The following SLIT2 variants were observed in gnomAD, a reference collection of about 807,000 sequenced individuals.
SLIT2 encodes slit guidance ligand 2.
A neutral mutation model predicts 185.7 loss-of-function variants in SLIT2; 41 were observed. The observed-to-expected ratio is 0.22, with a 90% CI of 0.17 to 0.29. SLIT2 has a LOEUF of 0.29. Ranked by LOEUF, SLIT2 falls within the 10% of genes least tolerant of loss-of-function variation. The pLI, the probability that SLIT2 is intolerant of heterozygous loss-of-function variation, is 1.00. For missense variants in SLIT2, 1,571 were observed against 1,909.0 expected (o/e 0.82, Z 3.30); for synonymous variants, 693 against 680.2 (o/e 1.02, Z -0.29).
chr4:20,559,222 T>C (rs1463724323), intron 26 of SLIT2, among the ~76,000 whole-genome samples: 1 of 152,030 alleles, frequency 6.6e-6, no homozygotes, highest in African/African-American at 2.4e-5. Flanking sequence ...GGAAGTTCAG[T>C]TTAATATTCA....
At chr4:20,315,704 G>T (rs1470016833) in intron 4 of SLIT2, among the ~76,000 whole-genome samples, 1 of 151,920 alleles carries the variant, frequency 6.6e-6, no homozygotes, top group Non-Finnish European at 1.5e-5. Flanking sequence ...GGTAGCATTG[G>T]CATATGTCTT....
At chr4:20,343,597 G>C (rs1721140762) in intron 4 of SLIT2, among the ~76,000 whole-genome samples, 1 of 151,850 alleles carries the variant, frequency 6.6e-6, no homozygotes, top group Admixed American at 6.6e-5. Flanking sequence ...AACCTCCTGG[G>C]CTTAAGCAGT....
intron 4 of SLIT2, among the ~76,000 whole-genome samples, chr4:20,361,238 G>T (rs1338463838): frequency 1.3e-5 from 2 of 149,918 alleles, no homozygotes; most frequent in African/African-American, 4.9e-5. Flanking sequence ...TTCACTTGAG[G>T]TATAGTCATT....
rs577583934 is a variant in SLIT2, at chr4:20,527,361, C to A, written c.1463-1588C>A. On this transcript the variant is annotated intron_variant, in intron 15 of 36. Transcript: ENST00000504154. Reference sequence around the variant, plus strand: ...AGTGCAGTGGCATGATCTCGGCTCACTGCAAGTTCCGCCTCCCGAGTTCAT... The same window carrying A: ...AGTGCAGTGGCATGATCTCGGCTCAATGCAAGTTCCGCCTCCCGAGTTCAT... Among the ~76,000 whole-genome samples, 269 of 152,122 alleles carry A rather than the reference C, an allele frequency of 1.8e-3. 3 individuals carry two copies. Among genetic ancestry groups the A allele is most frequent in the African/African-American group, 5.8e-3 (242 of 41,500 alleles).
chr4:20,395,851 G>C (rs937047176), intron 4 of SLIT2, among the ~76,000 whole-genome samples: 1 of 151,682 alleles, frequency 6.6e-6, no homozygotes, highest in Non-Finnish European at 1.5e-5. Context: ...CAGTAACAAA[G>C]ACACACATTT....
chr4:20,407,685 C>T (rs1348410389), intron 4 of SLIT2, among the ~76,000 whole-genome samples: 2 of 152,088 alleles, frequency 1.3e-5, no homozygotes, highest in Non-Finnish European at 2.9e-5. Flanking sequence ...TCTCTGTTTG[C>T]CTACCTTTTT....
At chr4:20,550,993 A>G (rs1315778516) in intron 25 of SLIT2, 95 bp downstream of exon 25, 4 of 653,858 alleles carry the variant, frequency 6.1e-6, no homozygotes, top group African/African-American at 1.8e-5. Context: ...CTGTAACATC[A>G]TAAGATGTAA....
At chr4:20,544,875 C>T (rs1241314198) in intron 21 of SLIT2, among the ~76,000 whole-genome samples, 2 of 151,832 alleles carry the variant, frequency 1.3e-5, no homozygotes, top group African/African-American at 4.8e-5. Context: ...GGTGATGCTT[C>T]CCTCTAGTGG....
At position 20,352,320 on chromosome 4, in the gene SLIT2, T is replaced by C. The variant is rs1167065715; in HGVS notation, c.395+83439T>C. 3.9e-5 allele frequency among the ~76,000 whole-genome samples: 6 copies of C among 152,060 alleles called. No homozygotes were observed. The East Asian group carries it at 1.2e-3, about 30-fold the overall frequency. ...TCACCTTTTTTTTTATTATAACAGA[T>C]ATAGTTTGTGCATTTTTTCTTCATG... On this transcript the variant is annotated intron_variant, in intron 4 of 36. Coordinates refer to ENST00000504154, the MANE Select transcript of SLIT2 (RefSeq NM_004787.4).
At chr4:20,603,156 C>A (rs555896364) in intron 33 of SLIT2, among the ~76,000 whole-genome samples, 1 of 152,090 alleles carries the variant, frequency 6.6e-6, no homozygotes. Flanking sequence ...TAGCAGAAGG[C>A]GAAAGGAATG....
At chr4:20,310,013 G>T (rs911304343) in intron 4 of SLIT2, among the ~76,000 whole-genome samples, 1 of 151,972 alleles carries the variant, frequency 6.6e-6, no homozygotes, top group East Asian at 1.9e-4. Context: ...TGCCCGCCTC[G>T]GCCTCCCCAA....
chr4:20,500,330 A>G (rs1341418018), intron 9 of SLIT2, among the ~76,000 whole-genome samples: 1 of 152,212 alleles, frequency 6.6e-6, no homozygotes, highest in Non-Finnish European at 1.5e-5. Flanking sequence ...GAGCAATTCT[A>G]CTTTAGTTCA....
chr4:20,575,126 G>A (rs573333159), intron 29 of SLIT2, among the ~76,000 whole-genome samples: 1 of 152,256 alleles, frequency 6.6e-6, no homozygotes, highest in South Asian at 2.1e-4. Context: ...TCCATCACAG[G>A]AATATGTCCT....
Position 20,354,898 on chromosome 4 carries a change from TGTGTGTGTGAGAGA to T in SLIT2, c.395+86019_395+86032del, listed in dbSNP as rs1174302023. 2.4e-3 allele frequency among the ~76,000 whole-genome samples: 292 copies of T among 124,170 alleles called. 2 individuals are homozygous for T. The highest frequency in any genetic ancestry group is 4.4e-3 in the African/African-American group (136 of 31,048). The allele number at this position is 124,170 out of a possible 152,430, so 81.5% of individuals were successfully genotyped here. A position where few individuals can be genotyped will look rare whatever the true frequency, so the allele number is the denominator to read the frequency against. On this transcript the variant is annotated intron_variant, in intron 4 of 36. Coordinates refer to ENST00000504154, the MANE Select transcript of SLIT2 (RefSeq NM_004787.4). ...TGTGGCAAGTCTGCGTGTGTGTGTGTGTGTGTGTGAGAGAGAGAGAGAGAGAGAGAGAGAGAGAG... is the reference window on the plus strand; with the variant it reads ...TGTGGCAAGTCTGCGTGTGTGTGTGTGAGAGAGAGAGAGAGAGAGAGAGAG...
At chr4:20,516,151 A>G (rs538071069) in intron 11 of SLIT2, among the ~76,000 whole-genome samples, 3 of 152,268 alleles carry the variant, frequency 2.0e-5, no homozygotes, top group Non-Finnish European at 4.4e-5. Context: ...GAGCTCAAAC[A>G]CTGGTCACCA....
intron 5 of SLIT2, among the ~76,000 whole-genome samples, chr4:20,476,963 ATTATTT>A (rs1337282827): frequency 6.6e-6 from 1 of 152,078 alleles, no homozygotes; most frequent in Non-Finnish European, 1.5e-5. Flanking sequence ...ACTAGGATAA[ATTATTT>A]TTAGTATTAA....
At chr4:20,442,539 A>AG in intron 4 of SLIT2, among the ~76,000 whole-genome samples, 1 of 150,662 alleles carries the variant, frequency 6.6e-6, no homozygotes, top group Admixed American at 6.6e-5. Flanking sequence ...AAAAAAAAAA[A>AG]AAAAGGGGGG....
chr4:20,583,980 C>T (rs1726828799), intron 29 of SLIT2, among the ~76,000 whole-genome samples: 1 of 152,008 alleles, frequency 6.6e-6, no homozygotes, highest in South Asian at 2.1e-4. Context: ...ATCAGTACCA[C>T]AGGGGGCTCT....
chr4:20,439,081 T>A (rs1729558586), intron 4 of SLIT2, among the ~76,000 whole-genome samples: 1 of 152,248 alleles, frequency 6.6e-6, no homozygotes. Context: ...GCGTTGCACA[T>A]GAAATGTACT....
Sources: allele counts gnomAD v4.1 joint callset (sites outside exome capture counted in the v4.1 genomes callset), GRCh38; gene constraint gnomAD v4.1.1; transcripts MANE v1.5; gene names NCBI Gene and HGNC (gene_info 2026-07-23, HGNC 2026-07-21).